Variants in CSMD1 observed in about 807,000 individuals in gnomAD.
The protein encoded by CSMD1 is CUB and sushi domain-containing protein 1.
A neutral mutation model predicts 417.5 loss-of-function variants in CSMD1; 213 were observed. That is an observed-to-expected ratio of 0.51 (90% CI 0.46 to 0.57). The LOEUF (loss-of-function observed/expected upper bound fraction) is 0.57, where lower values mean the gene tolerates loss of function less well. Among genes scored for constraint, CSMD1 ranks in the 20% least tolerant of loss-of-function variants. CSMD1 has a pLI of 0.00. For missense variants in CSMD1, 6,923 were observed against 4,529.7 expected, an observed-to-expected ratio of 1.53 and a Z score of -15.17; for synonymous variants, 2,862 against 1,736.8, an observed-to-expected ratio of 1.65 and a Z score of -16.11.
chr8:3,789,368 A>C (rs1326609656), intron 5 of CSMD1, among the ~76,000 whole-genome samples: 1 of 131,662 alleles, frequency 7.6e-6, no homozygotes, highest in Non-Finnish European at 1.6e-5. Context: ...TTGTATTGCT[A>C]GTGTTTTTTT....
At chr8:4,670,823 C>G (rs1430369324) in intron 1 of CSMD1, among the ~76,000 whole-genome samples, 1 of 152,132 alleles carries the variant, frequency 6.6e-6, no homozygotes, top group Non-Finnish European at 1.5e-5. Context: ...AAGTCATACT[C>G]TTTTCTTAGA....
intron 1 of CSMD1, among the ~76,000 whole-genome samples, chr8:4,923,886 T>G (rs1415791801): frequency 6.6e-6 from 1 of 152,222 alleles, no homozygotes; most frequent in Non-Finnish European, 1.5e-5. Context: ...GTATCCAAAC[T>G]TTATCTGTAT....
intron 1 of CSMD1, among the ~76,000 whole-genome samples, chr8:4,798,821 T>C (rs987097740): frequency 2.0e-5 from 3 of 152,234 alleles, no homozygotes; most frequent in African/African-American, 7.2e-5. Context: ...ATAATCATTT[T>C]GGCTGCCTAA....
At chr8:4,938,385 T>G (rs1807763684) in intron 1 of CSMD1, among the ~76,000 whole-genome samples, 1 of 152,216 alleles carries the variant, frequency 6.6e-6, no homozygotes, top group Admixed American at 6.5e-5. Context: ...CCTATAGTTA[T>G]TACAAATATG....
chr8:4,509,918 T>C (rs1418454877), intron 2 of CSMD1, among the ~76,000 whole-genome samples: 3 of 152,136 alleles, frequency 2.0e-5, no homozygotes, highest in Non-Finnish European at 1.5e-5. Flanking sequence ...GTTTACCTGA[T>C]AGAGGTATAT....
chr8:4,040,304 C>G (rs1378911861), intron 3 of CSMD1, among the ~76,000 whole-genome samples: 1 of 152,138 alleles, frequency 6.6e-6, no homozygotes, highest in African/African-American at 2.4e-5. Flanking sequence ...GACACTGTTC[C>G]AAGTCGTTTA....
intron 3 of CSMD1, among the ~76,000 whole-genome samples, chr8:4,351,539 T>G (rs1801094133): frequency 6.6e-6 from 1 of 152,114 alleles, no homozygotes; most frequent in Non-Finnish European, 1.5e-5. Flanking sequence ...TTCATGGAGG[T>G]AGAAAGTGGC....
At position 3,230,088 on chromosome 8, in the gene CSMD1, G is replaced by A; in HGVS notation, c.4297C>T (p.Gln1433Ter). The A allele has an allele frequency of 1.9e-6, 3 of 1,613,184 alleles. No homozygotes were observed. Among genetic ancestry groups the A allele is most frequent in the East Asian group, 2.2e-5 (1 of 44,836 alleles). ...TGCCAAAAGAACCGGTTATTCAGCTGCACACAGGTGATTTTGGCTTGTCCT... is the reference window on the plus strand; with the variant it reads ...TGCCAAAAGAACCGGTTATTCAGCTACACACAGGTGATTTTGGCTTGTCCT... The part of the protein sequence containing the change: ...LQGQAKITCV[Q>*]LNNRFFWQPD... The change falls in exon 27 of 70, where the codon CAG becomes TAG. Residue 1433 changes from glutamine (Q) to a stop codon, truncating the protein, a stop_gained. Transcript: ENST00000635120. LOFTEE classifies it high-confidence loss of function.
intron 2 of CSMD1, among the ~76,000 whole-genome samples, chr8:4,458,533 G>A (rs1180976918): frequency 2.0e-5 from 3 of 152,000 alleles, no homozygotes; most frequent in East Asian, 1.9e-4. Context: ...AAAGAGGTAT[G>A]TATTTTCTTA....
intron 3 of CSMD1, among the ~76,000 whole-genome samples, chr8:4,331,516 G>C (rs943434641): frequency 2.0e-5 from 3 of 152,102 alleles, no homozygotes; most frequent in Non-Finnish European, 4.4e-5. Flanking sequence ...CAGTGTTGTT[G>C]TATCCCATTC....
Position 4,755,215 on chromosome 8 carries a change from G to A in CSMD1, c.86-117657C>T, listed in dbSNP as rs146047264. Among the ~76,000 whole-genome samples, 317 of 152,294 alleles carry A rather than the reference G, an allele frequency of 2.1e-3. 2 individuals are homozygous for A. Among genetic ancestry groups the A allele is most frequent in the African/African-American group, 7.0e-3 (292 of 41,566 alleles). Reference sequence around the variant, plus strand: ...TCTCTTGTAAAAATCTCATGTCCACGCAGTATTTCCTGAGTCTTTGTTGTT... The same window carrying A: ...TCTCTTGTAAAAATCTCATGTCCACACAGTATTTCCTGAGTCTTTGTTGTT... On this transcript the variant is annotated intron_variant, in intron 1 of 69. Coordinates refer to ENST00000635120, the MANE Select transcript of CSMD1 (RefSeq NM_033225.6).
intron 52 of CSMD1, among the ~76,000 whole-genome samples, 177 bp downstream of exon 52, chr8:3,018,300 G>T (rs906081789): frequency 6.6e-6 from 1 of 152,014 alleles, no homozygotes; most frequent in South Asian, 2.1e-4. Context: ...TTCATTGCTC[G>T]GATTAAAAAC....
intron 5 of CSMD1, among the ~76,000 whole-genome samples, chr8:3,891,915 A>C (rs953110556): frequency 2.0e-5 from 3 of 152,196 alleles, no homozygotes; most frequent in Admixed American, 2.0e-4. Flanking sequence ...CAAAATTATC[A>C]GAACACCAAA....
intron 7 of CSMD1, among the ~76,000 whole-genome samples, chr8:3,620,449 G>C (rs1231177882): frequency 6.6e-6 from 1 of 152,038 alleles, no homozygotes; most frequent in East Asian, 1.9e-4. Context: ...AAAGATAAAT[G>C]CATAAAATAA....
intron 1 of CSMD1, among the ~76,000 whole-genome samples, chr8:4,748,776 A>G (rs1009636662): frequency 6.6e-6 from 1 of 152,212 alleles, no homozygotes; most frequent in African/African-American, 2.4e-5. Context: ...TAATTATTGA[A>G]TAGGTATTTA....
At chr8:4,327,876 T>G (rs1161472222) in intron 3 of CSMD1, among the ~76,000 whole-genome samples, 1 of 152,176 alleles carries the variant, frequency 6.6e-6, no homozygotes, top group Non-Finnish European at 1.5e-5. Flanking sequence ...ACAAAAAACT[T>G]TAAAATCTTT....
At chr8:4,597,387 C>T (rs1800343441) in intron 2 of CSMD1, among the ~76,000 whole-genome samples, 1 of 152,118 alleles carries the variant, frequency 6.6e-6, no homozygotes, top group African/African-American at 2.4e-5. Flanking sequence ...GGTATGTTGA[C>T]CTGACCAAGG....
chr8:4,122,727 G>T (rs1338242812), intron 3 of CSMD1, among the ~76,000 whole-genome samples: 1 of 152,092 alleles, frequency 6.6e-6, no homozygotes, highest in East Asian at 1.9e-4. Flanking sequence ...TTTTTTCCTA[G>T]AAGTAACACT....
chr8:4,313,225 C>T (rs1214215822), intron 3 of CSMD1, among the ~76,000 whole-genome samples: 2 of 151,934 alleles, frequency 1.3e-5, no homozygotes, highest in African/African-American at 4.8e-5. Context: ...CTTAACAACC[C>T]TGAAAAAACC....
Sources: allele counts gnomAD v4.1 joint callset (sites outside exome capture counted in the v4.1 genomes callset), GRCh38; gene constraint gnomAD v4.1.1; transcripts MANE v1.5; gene names NCBI Gene and HGNC (gene_info 2026-07-23, HGNC 2026-07-21).